DHX29: variants seen among roughly 807,000 people sequenced by gnomAD.
DHX29 encodes ATP-dependent RNA helicase DHX29.
A neutral mutation model predicts 167.9 loss-of-function variants in DHX29; 79 were observed. The observed-to-expected ratio is 0.47, with a 90% CI of 0.39 to 0.57. The LOEUF (loss-of-function observed/expected upper bound fraction) is 0.57. Ranked by LOEUF, DHX29 falls within the 20% of genes least tolerant of loss-of-function variation. DHX29 has a pLI of 0.00. For synonymous variants in DHX29, 530 were observed against 546.0 expected (o/e 0.97, Z 0.41); for missense variants, 1,347 against 1,593.4 (o/e 0.85, Z 2.63).
intron 1 of DHX29, among the ~76,000 whole-genome samples, chr5:55,301,614 G>T (rs1748602810): frequency 6.6e-6 from 1 of 150,898 alleles, no homozygotes; most frequent in Non-Finnish European, 1.5e-5. Flanking sequence ...TCGGGAGGCT[G>T]AGGCAGGAGA....
At chr5:55,256,811 G>A (rs1037182895) in intron 26 of DHX29, among the ~76,000 whole-genome samples, 1 of 152,126 alleles carries the variant, frequency 6.6e-6, no homozygotes, top group African/African-American at 2.4e-5. Flanking sequence ...GAGATAATAT[G>A]ATGTGAAATG....
chr5:55,285,806 C>A lies in DHX29; in HGVS notation c.1122G>T (p.Trp374Cys). The change falls in exon 9 of 27, where the codon TGG becomes TGT. Residue 374 changes from tryptophan (W) to cysteine (C), a missense_variant. Transcript: ENST00000251636. ...VRNFDYTARS[W>C]TGKSPKQFLI... ...GAAATTGTTTGGGAGATTTTCCAGT[C>A]CAACTTCGAGCAGTATAGTCAAAAT... 6.2e-7 allele frequency: 1 copy of A among 1,604,040 alleles called. No homozygotes were observed. The highest frequency in any genetic ancestry group is 1.1e-5 in the South Asian group (1 of 89,800).
chr5:55,257,643 G>GT (rs1200330433), intron 26 of DHX29, among the ~76,000 whole-genome samples: 10 of 152,152 alleles, frequency 6.6e-5, no homozygotes, highest in African/African-American at 2.4e-4. Context: ...AAGTACAAGA[G>GT]TAAGTTCAGT....
In DHX29 at chr5:55,296,286, T is replaced by G. The variant is rs1748313954; in HGVS notation, c.439A>C (p.Asn147His). 1 of 1,613,690 alleles carries G rather than the reference T, an allele frequency of 6.2e-7. No individual in the cohort carries two copies. Among genetic ancestry groups the G allele is most frequent in the Non-Finnish European group, 8.5e-7 (1 of 1,179,750 alleles). Residue 147 changes from asparagine (N) to histidine (H), a missense_variant, in exon 4 of 27, where the codon AAT becomes CAT. Around this residue, in one of 3 missense-constraint regions of DHX29, gnomAD observed 405 missense variants for 416.8 expected, o/e 0.97. Transcript: ENST00000251636. The stretch of plus-strand genomic sequence containing the variant: ...AGGTCACCTCCATATAAGAGTGTAT[T>G]GGTCATGGCATCTTCAATGTCCTTT... Reference protein sequence around the residue: ...KTKDIEDAMTNTLLYGGDLHS... With the variant: ...KTKDIEDAMTHTLLYGGDLHS...
At chr5:55,274,589 G>A in intron 16 of DHX29, 25 bp downstream of exon 16, 2 of 1,478,558 alleles carry the variant, frequency 1.4e-6, no homozygotes, top group South Asian at 1.2e-5. Context: ...AAACTACCAG[G>A]AATATAATGA....
chr5:55,260,650 C>G (rs900200282), intron 25 of DHX29, among the ~76,000 whole-genome samples: 5 of 152,136 alleles, frequency 3.3e-5, no homozygotes, highest in African/African-American at 9.7e-5. Flanking sequence ...TTCCACCACC[C>G]CAATTTCTTT....
intron 20 of DHX29, 23 bp from the exon 21 acceptor site, chr5:55,269,660 A>C (rs774820402): frequency 1.3e-6 from 2 of 1,583,990 alleles, no homozygotes; most frequent in South Asian, 2.2e-5. Context: ...AAAGCAATAA[A>C]ATTGGTATGA....
At chr5:55,287,355 C>T (rs561842000) in intron 8 of DHX29, among the ~76,000 whole-genome samples, 3 of 152,102 alleles carry the variant, frequency 2.0e-5, no homozygotes, top group Non-Finnish European at 2.9e-5. Context: ...GCAGGAGAAT[C>T]GCTTGAACCT....
chr5:55,300,502 A>G (rs558539587), intron 1 of DHX29, among the ~76,000 whole-genome samples: 4 of 151,972 alleles, frequency 2.6e-5, no homozygotes, highest in African/African-American at 7.2e-5. Context: ...GCAAAACCCC[A>G]TTTCTAGTAA....
At chr5:55,273,706 T>G (rs1028097754) in intron 16 of DHX29, among the ~76,000 whole-genome samples, 2 of 152,150 alleles carry the variant, frequency 1.3e-5, no homozygotes, top group Non-Finnish European at 2.9e-5. Context: ...AAACTGCAGC[T>G]TGGTTGGAGT....
At chr5:55,305,800 AT>A (rs1748830755) in intron 1 of DHX29, among the ~76,000 whole-genome samples, 1 of 152,232 alleles carries the variant, frequency 6.6e-6, no homozygotes, top group African/African-American at 2.4e-5. Flanking sequence ...CTTGCAAAAA[AT>A]AGGGTCAGAG....
intron 16 of DHX29, 66 bp from the exon 17 acceptor site, chr5:55,273,443 A>G: frequency 2.1e-6 from 3 of 1,398,448 alleles, no homozygotes; most frequent in Non-Finnish European, 2.8e-6. Context: ...AGAATAACAA[A>G]ATTTATTTGC....
chr5:55,294,780 G>A (rs1356994244), intron 5 of DHX29: 1 of 152,700 alleles, frequency 6.5e-6, no homozygotes, highest in Non-Finnish European at 1.5e-5. Flanking sequence ...GTATTTAAGT[G>A]TAATGCCCTA....
chr5:55,262,671 G>C lies in DHX29; in HGVS notation c.3787C>G (p.Arg1263Gly), dbSNP rs1194113608. The C allele has an allele frequency of 6.2e-7, 1 of 1,614,050 alleles. No homozygotes were observed. The highest frequency in any genetic ancestry group is 8.5e-7 in the Non-Finnish European group (1 of 1,179,962). ...KAQVHPSSVN[R>G]DLQTHGWLLY... The stretch of plus-strand genomic sequence containing the variant: ...AGCCATCCATGAGTTTGCAAATCTC[G>C]ATTTACTGAGGATGGGTGTACTTGT... Residue 1263 changes from arginine to glycine, a missense_variant, in exon 24 of 27, where the codon CGA (arginine) becomes GGA (glycine). Arg to Gly is a moderately radical substitution (Grantham distance 125, BLOSUM62 -2). Coordinates refer to ENST00000251636, the MANE Select transcript of DHX29 (RefSeq NM_019030.4).
rs1747974477 is a variant in DHX29 at position 55,290,305 on chromosome 5, C to T, written c.820G>A (p.Ala274Thr). The change falls in exon 7 of 27, where the codon GCA (alanine) becomes ACA (threonine). Residue 274 changes from alanine (A) to threonine (T), a missense_variant. By Grantham distance (58) the Ala-to-Thr change is moderately conservative. Around this residue, in one of 3 missense-constraint regions of DHX29, gnomAD observed 405 missense variants for 416.8 expected, o/e 0.97. Coordinates refer to ENST00000251636, the MANE Select transcript of DHX29 (RefSeq NM_019030.4). Reference protein sequence around the residue: ...YLHLAAKLLDAKEQAATFKLE... With the variant: ...YLHLAAKLLDTKEQAATFKLE... Reference sequence around the variant, plus strand: ...TTAAAGGTAGCTGCTTGTTCTTTTGCATCCAGCAGTTTTGCTGCAAGATGT... The same window carrying T: ...TTAAAGGTAGCTGCTTGTTCTTTTGTATCCAGCAGTTTTGCTGCAAGATGT... The T allele has an allele frequency of 1.2e-6, 2 of 1,611,472 alleles. No homozygotes were observed. The highest frequency in any genetic ancestry group is 1.7e-6 in the Non-Finnish European group (2 of 1,179,544).
At chr5:55,300,226 G>A (rs1262312498) in intron 1 of DHX29, among the ~76,000 whole-genome samples, 1 of 152,008 alleles carries the variant, frequency 6.6e-6, no homozygotes, top group African/African-American at 2.4e-5. Flanking sequence ...ATCCAGCTGT[G>A]GTAGCACATG....
In DHX29 at chr5:55,304,064, A is replaced by G. The variant is rs145678772; in HGVS notation, c.187+3323T>C. Among the ~76,000 whole-genome samples, 121 of 152,286 alleles carry G rather than the reference A, an allele frequency of 7.9e-4. No homozygotes were observed. In the East Asian group the frequency reaches 0.018, roughly 22 times the overall value. On this transcript the variant is annotated intron_variant, in intron 1 of 26. Transcript: ENST00000251636. Reference sequence around the variant, plus strand: ...ATTTTGGTCTCAGTCATAACATGATAAAGCAGCTTAATTATACTTAGGCTA... The same window carrying G: ...ATTTTGGTCTCAGTCATAACATGATGAAGCAGCTTAATTATACTTAGGCTA...
chr5:55,307,498 T>C lies in DHX29; in HGVS notation c.76A>G (p.Lys26Glu). 6.2e-7 allele frequency: 1 copy of C among 1,613,728 alleles called. No homozygotes were observed. The highest frequency in any genetic ancestry group is 1.1e-5 in the South Asian group (1 of 91,086). ...VRAAVSASRA[K>E]SAEAGIAGEA... ...CCGGCAATTCCAGCCTCGGCAGATT[T>C]GGCTCTGGAAGCAGACACGGCGGCC... Residue 26 changes from lysine (K) to glutamate (E), a missense_variant, in exon 1 of 27, where the codon AAA (lysine) becomes GAA (glutamate). Physicochemically the swap from Lys to Glu is moderately conservative, Grantham distance 56. This residue lies in a region of DHX29 where 405 missense variants were observed against 416.8 expected (regional missense o/e 0.97). Transcript: ENST00000251636.
chr5:55,274,698 G>A lies in DHX29; in HGVS notation c.2606C>T (p.Ala869Val). Residue 869 changes from alanine (A) to valine (V), a missense_variant, in exon 16 of 27, where the codon GCA becomes GTA. Physicochemically the swap from Ala to Val is moderately conservative, Grantham distance 64. Transcript: ENST00000251636. ...AAGTCCTGGTAAAAAGATCAATACT[G>A]CTCCTTCAATATTTCTGAATTGGGG... ...KSPQFRNIEGAVLIFLPGLAH... is the reference protein window; with the variant it reads ...KSPQFRNIEGVVLIFLPGLAH... The A allele has an allele frequency of 6.3e-7, 1 of 1,597,366 alleles. No individual in the cohort carries two copies. Among genetic ancestry groups the A allele is most frequent in the Non-Finnish European group, 8.5e-7 (1 of 1,174,804 alleles).
Sources: gnomAD v4.1 joint callset for allele counts (sites outside exome capture counted in the v4.1 genomes callset) on GRCh38, gnomAD v4.1.1 for gene constraint, gnomAD v4.1.1 regional missense constraint, MANE v1.5 for transcripts, NCBI Gene and HGNC (gene_info 2026-07-23, HGNC 2026-07-21) for gene names.